MTFR1: variants seen among roughly 807,000 people sequenced by gnomAD.
MTFR1 encodes the protein chondrocyte protein with a poly-proline region.
A neutral mutation model predicts 38.8 loss-of-function variants in MTFR1; 28 were observed. The observed-to-expected ratio is 0.72, with a 90% confidence interval of 0.53 to 0.99. MTFR1 has a LOEUF of 0.99. MTFR1 is among the 50% of genes least tolerant of loss of function. MTFR1 has a pLI of 0.00. For missense variants in MTFR1, 358 were observed against 395.5 expected (o/e 0.91, Z 0.81); for synonymous variants, 145 against 137.0 (o/e 1.06, Z -0.41).
intron 2 of MTFR1, among the ~76,000 whole-genome samples, chr8:65,672,917 A>G (rs1014402749): frequency 3.3e-5 from 5 of 152,122 alleles, no homozygotes; most frequent in Non-Finnish European, 4.4e-5. Flanking sequence ...CTGGTTTGAT[A>G]TTTATTTTCT....
At chr8:65,691,374 G>C (rs954218836) in intron 3 of MTFR1, among the ~76,000 whole-genome samples, 21 of 152,102 alleles carry the variant, frequency 1.4e-4, no homozygotes, top group African/African-American at 5.1e-4. Context: ...TGCAGCCTCT[G>C]CCTCCTGGGT....
At chr8:65,719,383 C>G in exon 3 of MTFR1, 3 of 1,614,056 alleles carry the variant, frequency 1.9e-6, no homozygotes, top group Non-Finnish European at 2.5e-6. Context: ...TCTGCAGTCC[C>G]TTCCAGCTGG....
intron 3 of MTFR1, among the ~76,000 whole-genome samples, chr8:65,743,979 T>A (rs1460044698): frequency 6.6e-6 from 1 of 152,112 alleles, no homozygotes; most frequent in Non-Finnish European, 1.5e-5. Flanking sequence ...ATTAGAGACA[T>A]GAACCACCAC....
downstream of MTFR1, among the ~76,000 whole-genome samples, chr8:65,772,796 G>A (rs1226088508): frequency 1.3e-5 from 2 of 152,104 alleles, no homozygotes; most frequent in African/African-American, 4.8e-5. Context: ...TTGAGGTCAG[G>A]AGTTCAAGAC....
intron 3 of MTFR1, chr8:65,728,126 G>C (rs1473573382): frequency 2.0e-5 from 3 of 152,144 alleles, no homozygotes; most frequent in African/African-American, 7.2e-5. Flanking sequence ...CCACTCATCA[G>C]AGCATGGTAT....
chr8:65,688,289 A>G (rs916238141), intron 3 of MTFR1, among the ~76,000 whole-genome samples: 6 of 151,170 alleles, frequency 4.0e-5, no homozygotes, highest in African/African-American at 1.5e-4. Context: ...AATCCCAGCT[A>G]CTTGGGAGGC....
downstream of MTFR1, among the ~76,000 whole-genome samples, chr8:65,711,011 A>T (rs1805929512): frequency 6.6e-6 from 1 of 152,162 alleles, no homozygotes; most frequent in Non-Finnish European, 1.5e-5. Flanking sequence ...AGAGAGAGAG[A>T]GAGAATACAA....
intron 3 of MTFR1, among the ~76,000 whole-genome samples, chr8:65,757,251 C>T (rs945627387): frequency 6.6e-6 from 1 of 152,118 alleles, no homozygotes; most frequent in Non-Finnish European, 1.5e-5. Context: ...TTTCTTGAGG[C>T]CTGCTCCTGA....
chr8:65,758,468 T>C (rs192314943), intron 3 of MTFR1, among the ~76,000 whole-genome samples: 1 of 152,304 alleles, frequency 6.6e-6, no homozygotes. Flanking sequence ...TTTATAGTCA[T>C]ATCAGCATCC....
chr8:65,709,073 G>A lies in MTFR1; in HGVS notation c.*29G>A, dbSNP rs1250688403. The A allele has an allele frequency of 1.9e-6, 3 of 1,608,460 alleles. No individual in the cohort carries two copies. The highest frequency in any genetic ancestry group is 4.5e-5 in the East Asian group (2 of 44,830). On this transcript the variant is annotated 3_prime_UTR_variant, in exon 8 of 8. Coordinates refer to ENST00000262146, the MANE Select transcript of MTFR1 (RefSeq NM_014637.4). ...ACAATGAGCTGCGAAAAGACTCCTGGTTCCCCTGTTGATTTGTGAGGGCCA... is the reference window on the plus strand; with the variant it reads ...ACAATGAGCTGCGAAAAGACTCCTGATTCCCCTGTTGATTTGTGAGGGCCA...
At chr8:65,676,435 C>T (rs1055395471) in intron 2 of MTFR1, among the ~76,000 whole-genome samples, 3 of 152,126 alleles carry the variant, frequency 2.0e-5, no homozygotes, top group African/African-American at 7.2e-5. Context: ...GCATTCTTGG[C>T]TCACTGTAGC....
At chr8:65,762,991 A>ATG (rs34371328) in intron 3 of MTFR1, among the ~76,000 whole-genome samples, 1,806 of 138,574 alleles carry the variant, frequency 0.013, 19 homozygotes, top group Admixed American at 0.017. Context: ...TATAAAAACA[A>ATG]TGTGTGTGTG....
intron 3 of MTFR1, among the ~76,000 whole-genome samples, chr8:65,755,254 CAG>C (rs879636564): frequency 2.0e-5 from 3 of 152,036 alleles, no homozygotes; most frequent in Non-Finnish European, 4.4e-5. Context: ...CTCCTGAACT[CAG>C]GGGATCCACC....
intron 2 of MTFR1, among the ~76,000 whole-genome samples, chr8:65,677,274 T>C (rs536726363): frequency 6.9e-4 from 104 of 150,818 alleles, no homozygotes; most frequent in African/African-American, 2.4e-3. Flanking sequence ...TTCGCCACAT[T>C]GGCCAGGCTG....
intron 3 of MTFR1, chr8:65,734,978 A>G (rs1807063483): frequency 9.4e-6 from 8 of 850,952 alleles, no homozygotes; most frequent in Middle Eastern, 2.2e-4. Context: ...TGAGTTACCC[A>G]CTCATACTTT....
At chr8:65,751,121 C>CA (rs1485382945) in intron 3 of MTFR1, among the ~76,000 whole-genome samples, 4 of 152,174 alleles carry the variant, frequency 2.6e-5, no homozygotes. Flanking sequence ...GTGTTTTCTT[C>CA]ACCTACAGGG....
intron 3 of MTFR1, among the ~76,000 whole-genome samples, chr8:65,750,059 T>C (rs970512815): frequency 1.3e-5 from 2 of 152,184 alleles, no homozygotes; most frequent in African/African-American, 4.8e-5. Context: ...ATCTAATTAA[T>C]GTAACACTAG....
chr8:65,731,106 C>A (rs1368626008), intron 3 of MTFR1, among the ~76,000 whole-genome samples: 1 of 152,176 alleles, frequency 6.6e-6, no homozygotes, highest in African/African-American at 2.4e-5. Context: ...AAAATTCCTG[C>A]CCTGGAGGCC....
At chr8:65,670,049 C>A in intron 2 of MTFR1, 31 bp downstream of exon 2, 5 of 1,545,648 alleles carry the variant, frequency 3.2e-6, no homozygotes, top group Non-Finnish European at 2.6e-6. Context: ...TTTTAAATCC[C>A]GACATTTAGA....
Sources: gnomAD v4.1 joint callset for allele counts (sites outside exome capture counted in the v4.1 genomes callset) on GRCh38, gnomAD v4.1.1 for gene constraint, MANE v1.5 for transcripts, NCBI Gene and HGNC (gene_info 2026-07-23, HGNC 2026-07-21) for gene names.